Variants in ASTN2 observed in about 807,000 individuals in gnomAD.
ASTN2 encodes the protein astrotactin-2.
Under a neutral mutation model 139.8 loss-of-function variants are expected in ASTN2, and 54 were observed. The observed-to-expected ratio is 0.39, with a 90% confidence interval of 0.31 to 0.48. The LOEUF (loss-of-function observed/expected upper bound fraction) is 0.48, where lower values mean the gene tolerates loss of function less well. Ranked by LOEUF, ASTN2 falls within the 20% of genes least tolerant of loss-of-function variation. ASTN2 has a pLI of 0.95. For synonymous variants in ASTN2, 756 were observed against 719.5 expected (o/e 1.05, Z -0.81); for missense variants, 1,565 against 1,725.1 (o/e 0.91, Z 1.64).
intron 10 of ASTN2, among the ~76,000 whole-genome samples, chr9:116,919,640 A>ATTTTTTTTTTTTT (rs72054196): frequency 2.6e-5 from 3 of 113,568 alleles, no homozygotes; most frequent in Admixed American, 9.6e-5. Context: ...CAAAAACATC[A>ATTTTTTTTTTTTT]TTTTTTTTTT....
chr9:116,576,640 T>G (rs1228439503), intron 19 of ASTN2, among the ~76,000 whole-genome samples: 2 of 152,124 alleles, frequency 1.3e-5, no homozygotes, highest in Non-Finnish European at 2.9e-5. Flanking sequence ...CCCTGCTGGC[T>G]CATGTGTTGT....
intron 19 of ASTN2, among the ~76,000 whole-genome samples, chr9:116,531,652 G>A (rs1197444239): frequency 1.3e-5 from 2 of 152,028 alleles, no homozygotes; most frequent in Non-Finnish European, 2.9e-5. Context: ...TGCTGAGAAT[G>A]ATGGTTTCCA....
intron 16 of ASTN2, among the ~76,000 whole-genome samples, chr9:116,670,334 G>A (rs528204864): frequency 6.3e-4 from 96 of 152,132 alleles, no homozygotes; most frequent in South Asian, 6.2e-4. Flanking sequence ...CAATCCCCCC[G>A]GACAAAGTGT....
intron 3 of ASTN2, among the ~76,000 whole-genome samples, chr9:117,185,953 T>C (rs1204325995): frequency 6.6e-6 from 1 of 152,136 alleles, no homozygotes; most frequent in Non-Finnish European, 1.5e-5. Context: ...TACCTGTCCT[T>C]GTGTTCCTCA....
intron 16 of ASTN2, among the ~76,000 whole-genome samples, chr9:116,664,330 C>A (rs1858736921): frequency 6.6e-6 from 1 of 151,376 alleles, no homozygotes; most frequent in Admixed American, 6.6e-5. Flanking sequence ...ATCCACCCTC[C>A]TTGGCCTCCC....
chr9:116,447,434 C>T (rs994696788), intron 20 of ASTN2, among the ~76,000 whole-genome samples: 23 of 152,136 alleles, frequency 1.5e-4, no homozygotes, highest in Admixed American at 5.9e-4. Context: ...GGTGCACCAA[C>T]GCTCAGCACA....
intron 19 of ASTN2, among the ~76,000 whole-genome samples, chr9:116,589,549 T>G (rs16933726): frequency 6.6e-6 from 1 of 152,150 alleles, no homozygotes; most frequent in Admixed American, 6.5e-5. Flanking sequence ...CACTGCCACA[T>G]GATGTCACTA....
At chr9:116,728,963 C>T (rs753066084) in intron 15 of ASTN2, 29 bp downstream of exon 15, 7 of 1,545,134 alleles carry the variant, frequency 4.5e-6, no homozygotes, top group Non-Finnish European at 6.2e-6. Context: ...TATTCCAAGT[C>T]CCCTGGCTGC....
chr9:117,237,925 G>A (rs1588120810), intron 2 of ASTN2, among the ~76,000 whole-genome samples: 1 of 152,202 alleles, frequency 6.6e-6, no homozygotes, highest in Non-Finnish European at 1.5e-5. Context: ...CCTACTCATA[G>A]ATGGCTGCTG....
chr9:116,534,258 C>T (rs1851505899), intron 19 of ASTN2, among the ~76,000 whole-genome samples: 1 of 152,056 alleles, frequency 6.6e-6, no homozygotes, highest in Admixed American at 6.6e-5. Flanking sequence ...CTCTTTTCTT[C>T]TTTATGAGTC....
intron 3 of ASTN2, among the ~76,000 whole-genome samples, chr9:117,153,035 G>T (rs13288925): frequency 0.25 from 38,108 of 151,962 alleles, 4,840 homozygotes; most frequent in Middle Eastern, 0.38. Context: ...CATTGTTGCT[G>T]CCTCAGTATA....
intron 5 of ASTN2, among the ~76,000 whole-genome samples, chr9:117,088,151 G>T (rs904959124): frequency 1.3e-5 from 2 of 152,184 alleles, no homozygotes; most frequent in Non-Finnish European, 2.9e-5. Flanking sequence ...GATGAGAAGT[G>T]ATGGATAAAG....
chr9:116,943,910 A>G (rs1356852298), intron 10 of ASTN2, among the ~76,000 whole-genome samples: 3 of 152,210 alleles, frequency 2.0e-5, no homozygotes, highest in Non-Finnish European at 4.4e-5. Flanking sequence ...GATGAGTACT[A>G]AAAATATAGA....
intron 16 of ASTN2, among the ~76,000 whole-genome samples, chr9:116,683,819 T>C: frequency 1.4e-5 from 1 of 69,966 alleles, no homozygotes; most frequent in South Asian, 6.3e-4. Context: ...ATTGCATAAG[T>C]GCAGTAAGAA....
At chr9:117,020,154 A>G (rs1301797620) in intron 6 of ASTN2, among the ~76,000 whole-genome samples, 1 of 151,888 alleles carries the variant, frequency 6.6e-6, no homozygotes, top group Non-Finnish European at 1.5e-5. Context: ...GGTATATTTA[A>G]TATGTGCTTC....
At chr9:117,129,579 A>G (rs1829781800) in intron 4 of ASTN2, among the ~76,000 whole-genome samples, 1 of 152,158 alleles carries the variant, frequency 6.6e-6, no homozygotes, top group Non-Finnish European at 1.5e-5. Context: ...TATCTTTAAT[A>G]GTGTAGTTAA....
chr9:116,725,700 A>G, intron 16 of ASTN2, 71 bp downstream of exon 16: 1 of 1,478,878 alleles, frequency 6.8e-7, no homozygotes, highest in Non-Finnish European at 9.2e-7. Flanking sequence ...AAGGCAGCTC[A>G]GTTGTCTCCC....
chr9:117,352,462 AGAGCT>A (rs1341229601), intron 1 of ASTN2, among the ~76,000 whole-genome samples: 1 of 152,192 alleles, frequency 6.6e-6, no homozygotes, highest in African/African-American at 2.4e-5. Context: ...TCCAAGAATC[AGAGCT>A]GAGCTAATGA....
At chr9:116,552,801 C>T (rs1266902451) in intron 19 of ASTN2, among the ~76,000 whole-genome samples, 1 of 152,312 alleles carries the variant, frequency 6.6e-6, no homozygotes, top group African/African-American at 2.4e-5. Flanking sequence ...AGGTTTGGGG[C>T]CAGACACTCT....
Sources: allele counts gnomAD v4.1 joint callset (sites outside exome capture counted in the v4.1 genomes callset), GRCh38; gene constraint gnomAD v4.1.1; transcripts MANE v1.5; gene names NCBI Gene and HGNC (gene_info 2026-07-23, HGNC 2026-07-21).